The following TMPO variants were observed in gnomAD, a reference collection of about 807,000 sequenced individuals.
TMPO encodes the protein LEM domain containing 4.
TMPO carries 22 observed loss-of-function variants against 45.4 expected under a neutral mutation model. The observed-to-expected ratio is 0.48, with a 90% CI of 0.35 to 0.69. The LOEUF (loss-of-function observed/expected upper bound fraction) is 0.69. Ranked by LOEUF, TMPO falls within the 30% of genes least tolerant of loss-of-function variation. TMPO has a pLI of 0.01. For missense variants in TMPO, 512 were observed against 548.8 expected, an observed-to-expected ratio of 0.93 and a Z score of 0.67; for synonymous variants, 241 against 204.1, an observed-to-expected ratio of 1.18 and a Z score of -1.54.
intron 1 of TMPO, among the ~76,000 whole-genome samples, chr12:98,521,747 T>C (rs573635142): frequency 6.6e-6 from 1 of 152,236 alleles, no homozygotes; most frequent in East Asian, 1.9e-4. Context: ...AGTGTGTGTT[T>C]GAGAAGGAGT....
At chr12:98,529,220 A>C (rs1355298715) in intron 2 of TMPO, among the ~76,000 whole-genome samples, 1 of 151,738 alleles carries the variant, frequency 6.6e-6, no homozygotes, top group African/African-American at 2.4e-5. Context: ...TGCCCGGCTA[A>C]TTTTTATATT....
rs1565804759 is a variant in TMPO, at chr12:98,521,099, A to ATTTTTTTTT, written c.279+4953_279+4954insTTTTTTTTT. ...TCTATTTAATCATGGGTTTATGAGG[A>ATTTTTTTTT]ATTTTTTTTTTTTTTTTTTTTTTTT... On this transcript the variant is annotated intron_variant, in intron 1 of 8. Coordinates refer to ENST00000556029, the MANE Select transcript of TMPO (RefSeq NM_001032283.3). Among the ~76,000 whole-genome samples, 388 of 92,958 alleles carry ATTTTTTTTT rather than the reference A, an allele frequency of 4.2e-3. 21 individuals carry two copies. The highest frequency in any genetic ancestry group is 0.014 in the African/African-American group (349 of 24,734). The allele number at this position is 92,958 out of a possible 152,430, so 61.0% of individuals were successfully genotyped here. A position where few individuals can be genotyped will look rare whatever the true frequency, so the allele number is the denominator to read the frequency against.
At chr12:98,527,721 G>A (rs1592938939) in intron 1 of TMPO, 165 bp from the exon 2 acceptor site, 1 of 690,232 alleles carries the variant, frequency 1.4e-6, no homozygotes, top group East Asian at 2.8e-5. Flanking sequence ...AACTTAGAAA[G>A]TGTTCTCCAA....
intron 1 of TMPO, 54 bp downstream of exon 1, chr12:98,516,200 C>A: frequency 1.5e-6 from 2 of 1,318,674 alleles, no homozygotes; most frequent in Non-Finnish European, 1.9e-6. Flanking sequence ...TTGCCGCGCG[C>A]GCTCGCCGCC....
chr12:98,537,648 A>G (rs1181909615), intron 4 of TMPO, 76 bp downstream of exon 4: 8 of 1,079,360 alleles, frequency 7.4e-6, no homozygotes, highest in Non-Finnish European at 1.4e-6. Flanking sequence ...TTTAGCCTTT[A>G]ATGGTTGACA....
intron 3 of TMPO, chr12:98,533,848 T>C (rs199979773): frequency 4.3e-6 from 7 of 1,614,230 alleles, no homozygotes; most frequent in East Asian, 4.5e-5. Flanking sequence ...AACACAGATA[T>C]TATCAGTTCC....
At chr12:98,539,727 G>A (rs1359378670) in intron 4 of TMPO, among the ~76,000 whole-genome samples, 4 of 152,104 alleles carry the variant, frequency 2.6e-5, no homozygotes. Flanking sequence ...ACCCGCCTTG[G>A]CCTCCCAGAT....
chr12:98,516,081 G>C lies in TMPO; in HGVS notation c.214G>C (p.Glu72Gln), dbSNP rs771483941. ...GGACTTCTCCAGTGACGAAGAGCGC[G>C]AGCCCACCCCGGTCCTCGGCTCTGG... ...PPDFSSDEER[E>Q]PTPVLGSGAA... The change falls in exon 1 of 9, where the codon GAG becomes CAG. Residue 72 changes from glutamate (E) to glutamine (Q), a missense_variant. Coordinates refer to ENST00000556029, the MANE Select transcript of TMPO (RefSeq NM_001032283.3). 10 of 1,600,420 alleles carry C rather than the reference G, an allele frequency of 6.2e-6. No homozygotes were observed. The highest frequency in any genetic ancestry group is 8.5e-6 in the Non-Finnish European group (10 of 1,176,494).
chr12:98,527,512 G>A (rs1455126361), intron 1 of TMPO: 5 of 206,780 alleles, frequency 2.4e-5, no homozygotes, highest in Non-Finnish European at 3.6e-5. Context: ...GACATAGCTA[G>A]ACCCTGTATC....
chr12:98,544,928 C>A lies in TMPO; in HGVS notation c.880-23C>A, dbSNP rs1244032926. ...GTGTTATGTTTGGATAATTCTGAGT[C>A]TGAATAATTTGAATCTTGGCAGGTT... is the stretch of plus-strand genomic sequence containing the variant. On this transcript the variant is annotated intron_variant, in intron 6 of 8. Transcript: ENST00000556029. The A allele has an allele frequency of 2.7e-6, 4 of 1,496,228 alleles. No homozygotes were observed. The South Asian group carries it at 4.5e-5, about 17-fold the overall frequency. 92.7% of individuals were successfully genotyped at this position (1,496,228 alleles called of 1,614,324 possible). A position where few individuals can be genotyped will look rare whatever the true frequency, so the allele number is the denominator to read the frequency against.
At position 98,533,987 on chromosome 12, in the gene TMPO, C is replaced by T. The variant is rs34150443; in HGVS notation, c.565+2149C>T. 1.1e-4 allele frequency: 169 copies of T among 1,609,244 alleles called. No homozygotes were observed. The African/African-American group carries it at 1.9e-3, about 18-fold the overall frequency. Reference sequence around the variant, plus strand: ...CTCTGTAGAGCATATGAAGCTGCAGCATCAGCATTGCAGATTGCAACTCAC... The same window carrying T: ...CTCTGTAGAGCATATGAAGCTGCAGTATCAGCATTGCAGATTGCAACTCAC... On this transcript the variant is annotated intron_variant, in intron 3 of 8. Coordinates refer to ENST00000556029, the MANE Select transcript of TMPO (RefSeq NM_001032283.3).
chr12:98,528,556 T>C (rs976520344), intron 2 of TMPO, among the ~76,000 whole-genome samples: 7 of 151,826 alleles, frequency 4.6e-5, no homozygotes, highest in Non-Finnish European at 1.0e-4. Flanking sequence ...GGATTACAGG[T>C]GTGAGCCACC....
At chr12:98,520,593 C>T (rs1177080786) in intron 1 of TMPO, among the ~76,000 whole-genome samples, 1 of 151,964 alleles carries the variant, frequency 6.6e-6, no homozygotes, top group African/African-American at 2.4e-5. Context: ...GAGTGAGCCA[C>T]CTCACCCGGC....
chr12:98,547,359 GC>G, intron 8 of TMPO, among the ~76,000 whole-genome samples: 1 of 152,210 alleles, frequency 6.6e-6, no homozygotes, highest in Non-Finnish European at 1.5e-5. Flanking sequence ...GCAGGCGCGA[GC>G]CACCATGCCC....
At chr12:98,536,370 T>G (rs77220442) in intron 3 of TMPO, among the ~76,000 whole-genome samples, 4 of 152,056 alleles carry the variant, frequency 2.6e-5, no homozygotes, top group Non-Finnish European at 5.9e-5. Flanking sequence ...TTTTTTTTTT[T>G]GAAATGAAGT....
rs727505047 is a variant in TMPO, at chr12:98,533,444, C to T, written c.565+1606C>T. 9.3e-6 allele frequency: 15 copies of T among 1,614,188 alleles called. No homozygotes were observed. Among genetic ancestry groups the T allele is most frequent in the Non-Finnish European group, 1.3e-5 (15 of 1,180,034 alleles). Reference sequence around the variant, plus strand: ...GGTGGGGTAGGTAGTTTGCCTGGAACTTCTAACTCTATGCCCCCACTGGAT... The same window carrying T: ...GGTGGGGTAGGTAGTTTGCCTGGAATTTCTAACTCTATGCCCCCACTGGAT... On this transcript the variant is annotated intron_variant, in intron 3 of 8. Coordinates refer to ENST00000556029, the MANE Select transcript of TMPO (RefSeq NM_001032283.3).
chr12:98,533,013 T>G, intron 3 of TMPO: 2 of 1,613,792 alleles, frequency 1.2e-6, no homozygotes, highest in Non-Finnish European at 1.7e-6. Flanking sequence ...GAGACCTACC[T>G]AGGGAGCCTC....
At chr12:98,538,106 TA>T (rs1241247170) in intron 4 of TMPO, among the ~76,000 whole-genome samples, 1 of 152,042 alleles carries the variant, frequency 6.6e-6, no homozygotes, top group African/African-American at 2.4e-5. Context: ...TGTAGGAAAC[TA>T]AGGAGAAAAT....
intron 2 of TMPO, among the ~76,000 whole-genome samples, chr12:98,530,346 AAAAG>A (rs1487828573): frequency 6.6e-6 from 1 of 152,302 alleles, no homozygotes; most frequent in South Asian, 2.1e-4. Context: ...CAAAAAAAAA[AAAAG>A]AAATTCCAAA....
Sources: gnomAD v4.1 joint callset for allele counts (sites outside exome capture counted in the v4.1 genomes callset) on GRCh38, gnomAD v4.1.1 for gene constraint, MANE v1.5 for transcripts, NCBI Gene and HGNC (gene_info 2026-07-23, HGNC 2026-07-21) for gene names.